TBC1D4: variants seen among roughly 807,000 people sequenced by gnomAD.
TBC1D4 encodes the protein TBC1 domain family member 4, also known as TBC (Tre-2, BUB2, CDC16) domain-containing protein.
TBC1D4 carries 121 observed loss-of-function variants against 142.5 expected under a neutral mutation model. The ratio of observed to expected loss-of-function variants is 0.85; its 90% CI spans 0.73 to 0.99. TBC1D4 has a LOEUF of 0.99. TBC1D4 is among the 50% of genes least tolerant of loss of function. The probability of loss-of-function intolerance (pLI) is 0.00; values close to 1 mark genes in which losing one functional copy is unlikely to be tolerated. For missense variants in TBC1D4, 1,475 were observed against 1,606.6 expected, an observed-to-expected ratio of 0.92 and a Z score of 1.40; for synonymous variants, 630 against 628.2, an observed-to-expected ratio of 1.00 and a Z score of -0.04.
At chr13:75,429,844 C>G (rs1238632468) in intron 1 of TBC1D4, among the ~76,000 whole-genome samples, 1 of 152,130 alleles carries the variant, frequency 6.6e-6, no homozygotes, top group African/African-American at 2.4e-5. Context: ...AAACCTTAGT[C>G]TGAGAACCCA....
intron 1 of TBC1D4, among the ~76,000 whole-genome samples, chr13:75,464,616 TG>T (rs1888096519): frequency 6.6e-6 from 1 of 152,338 alleles, no homozygotes; most frequent in Middle Eastern, 3.4e-3. Flanking sequence ...TTTCTGGGTG[TG>T]TGTCTTTAAT....
Position 75,362,197 on chromosome 13 carries a change from A to C in TBC1D4, c.909T>G (p.Asp303Glu), listed in dbSNP as rs1248496338. The C allele has an allele frequency of 3.7e-6, 6 of 1,613,790 alleles. 1 individual carries two copies. The Admixed American group carries it at 8.3e-5, about 22-fold the overall frequency. The change falls in exon 2 of 21, where the codon GAT becomes GAG. Residue 303 changes from aspartate to glutamate, a missense_variant. Asp to Glu is a conservative substitution (Grantham distance 45). Transcript: ENST00000377636. This position sits in a 1 kb window ranked among gnomAD's most constrained non-coding sequence, Gnocchi z 4.2. ...RVCFPERILE[D>E]SGFDEQQEFR... is the part of the protein sequence containing the mutation. ...ACTCCTGCTGCTCATCAAAGCCAGA[A>C]TCTTCCAAAATCCGCTCAGGGAAGC... is the stretch of plus-strand genomic sequence containing the variant.
intron 1 of TBC1D4, among the ~76,000 whole-genome samples, chr13:75,431,827 GA>G (rs1260808545): frequency 6.6e-6 from 1 of 152,150 alleles, no homozygotes; most frequent in East Asian, 1.9e-4. Context: ...AATAGGATAT[GA>G]AAGAAGACAT....
At chr13:75,402,654 A>AACAC (rs56176942) in intron 1 of TBC1D4, among the ~76,000 whole-genome samples, 11,267 of 142,268 alleles carry the variant, frequency 0.079, 501 homozygotes, top group African/African-American at 0.11. Flanking sequence ...ATCCCTAGTA[A>AACAC]ACACACACAC....
intron 8 of TBC1D4, among the ~76,000 whole-genome samples, chr13:75,336,674 G>A (rs1345939376): frequency 6.6e-6 from 1 of 152,196 alleles, no homozygotes; most frequent in African/African-American, 2.4e-5. Flanking sequence ...GCAGGAGGCA[G>A]AGGTTGCAGT....
rs139451836 is a variant in TBC1D4 at position 75,433,331 on chromosome 13, T to C, written c.498+47939A>G. ...CTTACTATGTAGCACTCACTAAGTA[T>C]GTATGGAAGTAGAGTGTTTTTTTAA... On this transcript the variant is annotated intron_variant, in intron 1 of 20. Coordinates refer to ENST00000377636, the MANE Select transcript of TBC1D4 (RefSeq NM_014832.5). Among the ~76,000 whole-genome samples, 868 of 152,298 alleles carry C rather than the reference T, an allele frequency of 5.7e-3. 9 individuals carry two copies. Among genetic ancestry groups the C allele is most frequent in the African/African-American group, 0.02 (838 of 41,556 alleles).
chr13:75,410,159 G>A (rs142606123), intron 1 of TBC1D4, among the ~76,000 whole-genome samples: 95 of 152,176 alleles, frequency 6.2e-4, no homozygotes, highest in African/African-American at 2.1e-3. Flanking sequence ...CTCAATAAAT[G>A]GTACCTATAA....
In TBC1D4 at chr13:75,299,375, G is replaced by C. The variant is rs771134966; in HGVS notation, c.3111C>G (p.Asp1037Glu). ...AFEMLKFLMY[D>E]LGFRKQYRPD... is the part of the protein sequence containing the mutation. ...GTCTGTACTGCTTGCGGAAGCCGAG[G>C]TCATACATGAGGAATTTCAGCATTT... The change falls in exon 17 of 21, where the codon GAC becomes GAG. Residue 1037 changes from aspartate (D) to glutamate (E), a missense_variant. Asp to Glu is a conservative substitution (Grantham distance 45). Around this residue, in one of 2 missense-constraint regions of TBC1D4, gnomAD observed 248 missense variants for 338.9 expected, o/e 0.73. Transcript: ENST00000377636. The C allele has an allele frequency of 9.3e-6, 15 of 1,614,042 alleles. 1 individual carries two copies. Among genetic ancestry groups the C allele is most frequent in the Middle Eastern group, 1.6e-4 (1 of 6,084 alleles).
chr13:75,407,856 G>A (rs957874927), intron 1 of TBC1D4, among the ~76,000 whole-genome samples: 16 of 151,604 alleles, frequency 1.1e-4, no homozygotes, highest in African/African-American at 3.6e-4. Flanking sequence ...GGCTTGATCA[G>A]GAGAGAGAAA....
In TBC1D4 at chr13:75,460,137, C is replaced by T. The variant is rs7334426; in HGVS notation, c.498+21133G>A. 3.8e-3 allele frequency among the ~76,000 whole-genome samples: 581 copies of T among 151,218 alleles called. 4 individuals carry two copies. The highest frequency in any genetic ancestry group is 0.013 in the African/African-American group (552 of 41,208). On this transcript the variant is annotated intron_variant, in intron 1 of 20. Coordinates refer to ENST00000377636, the MANE Select transcript of TBC1D4 (RefSeq NM_014832.5). ...CAGCCTGGGCGACAGAGCGAGACTC[C>T]GTCTCAAAAATAAAAATAAAAAAAA... is the stretch of plus-strand genomic sequence containing the variant.
At chr13:75,361,407 G>A (rs1052493166) in intron 2 of TBC1D4, among the ~76,000 whole-genome samples, 3 of 152,114 alleles carry the variant, frequency 2.0e-5, no homozygotes, top group Non-Finnish European at 2.9e-5. Flanking sequence ...TTGAGATGGA[G>A]TCTCGCTCTG....
At chr13:75,410,023 T>G (rs1885551498) in intron 1 of TBC1D4, among the ~76,000 whole-genome samples, 1 of 152,218 alleles carries the variant, frequency 6.6e-6, no homozygotes, top group Admixed American at 6.5e-5. Context: ...CTTAACCAAA[T>G]TTGCCACTTA....
intron 5 of TBC1D4, among the ~76,000 whole-genome samples, chr13:75,343,016 G>C (rs1052750478): frequency 3.9e-5 from 6 of 152,102 alleles, no homozygotes; most frequent in African/African-American, 1.4e-4. Context: ...ATAAGACAAA[G>C]TAATTGGCCG....
intron 1 of TBC1D4, among the ~76,000 whole-genome samples, chr13:75,394,648 A>C (rs1464344611): frequency 1.3e-5 from 2 of 152,230 alleles, no homozygotes; most frequent in Non-Finnish European, 2.9e-5. Context: ...AATACAATAG[A>C]CGCTAGATTT....
chr13:75,350,016 C>A (rs777209091), intron 4 of TBC1D4, among the ~76,000 whole-genome samples: 1 of 152,158 alleles, frequency 6.6e-6, no homozygotes, highest in Non-Finnish European at 1.5e-5. Flanking sequence ...TTTAATCTAG[C>A]CTTTTTATTT....
At chr13:75,366,827 T>G (rs1443129161) in intron 1 of TBC1D4, 1 of 553,156 alleles carries the variant, frequency 1.8e-6, no homozygotes, top group Non-Finnish European at 2.3e-6. Context: ...ATAAAACAAA[T>G]TCTACAACTA....
chr13:75,406,764 C>T (rs1447595078), intron 1 of TBC1D4, among the ~76,000 whole-genome samples: 1 of 152,172 alleles, frequency 6.6e-6, no homozygotes, highest in Non-Finnish European at 1.5e-5. Context: ...TGGAAAGGTC[C>T]TGCATGATTA....
At chr13:75,297,428 C>T (rs1196822593) in intron 17 of TBC1D4, among the ~76,000 whole-genome samples, 2 of 152,020 alleles carry the variant, frequency 1.3e-5, no homozygotes, top group African/African-American at 4.8e-5. Context: ...TTATTGAATT[C>T]CTTACAAGAC....
intron 1 of TBC1D4, among the ~76,000 whole-genome samples, chr13:75,381,967 T>A (rs1883876936): frequency 6.6e-6 from 1 of 152,182 alleles, no homozygotes; most frequent in Non-Finnish European, 1.5e-5. Flanking sequence ...CAACATAATA[T>A]TTGTAACAGC....
Sources: gnomAD v4.1 joint callset for allele counts (sites outside exome capture counted in the v4.1 genomes callset) on GRCh38, gnomAD v4.1.1 for gene constraint, gnomAD v4.1.1 regional missense constraint, Gnocchi (gnomAD v3.1) non-coding constraint, MANE v1.5 for transcripts, NCBI Gene and HGNC (gene_info 2026-07-23, HGNC 2026-07-21) for gene names.